EIF4ENIF1: variants seen among roughly 807,000 people sequenced by gnomAD.
The protein encoded by EIF4ENIF1 is eukaryotic translation initiation factor 4E transporter.
EIF4ENIF1 carries 23 observed loss-of-function variants against 110.5 expected under a neutral mutation model. That is an observed-to-expected ratio of 0.21 (90% CI 0.15 to 0.29). The LOEUF is 0.29. Among genes scored for constraint, EIF4ENIF1 ranks in the 10% least tolerant of loss-of-function variants. EIF4ENIF1 has a pLI of 1.00. For missense variants in EIF4ENIF1, 1,031 were observed against 1,221.1 expected (o/e 0.84, Z 2.32); for synonymous variants, 440 against 437.0 (o/e 1.01, Z -0.09).
In EIF4ENIF1 at chr22:31,463,634, G is replaced by A. The variant is rs573915886; in HGVS notation, c.585+47C>T. On this transcript the variant is annotated intron_variant, in intron 5 of 18. Coordinates refer to ENST00000330125, the MANE Select transcript of EIF4ENIF1 (RefSeq NM_019843.4). ...GCACTCCAGCCTGGGCAACAAGAGC[G>A]AAACTCCGTCTCAATTTAAAAAAAA... 103 of 1,460,032 alleles carry A rather than the reference G, an allele frequency of 7.1e-5. 1 individual carries two copies. The South Asian group carries it at 1.0e-3, about 15-fold the overall frequency. 90.4% of individuals were successfully genotyped at this position (1,460,032 alleles called of 1,614,324 possible).
chr22:31,447,304 A>T, intron 14 of EIF4ENIF1, 122 bp downstream of exon 14: 1 of 1,213,890 alleles, frequency 8.2e-7, no homozygotes, highest in Non-Finnish European at 1.1e-6. Context: ...TTGGGATGGA[A>T]TTTCTACCAC....
chr22:31,466,140 C>T (rs1470451031), intron 4 of EIF4ENIF1, among the ~76,000 whole-genome samples: 8 of 151,982 alleles, frequency 5.3e-5, no homozygotes, highest in Non-Finnish European at 7.4e-5. Context: ...GGGCCAGGCA[C>T]GGTGACTCAT....
downstream of EIF4ENIF1, among the ~76,000 whole-genome samples, chr22:31,438,904 T>G (rs190024155): frequency 1.7e-4 from 26 of 152,240 alleles, no homozygotes; most frequent in East Asian, 4.6e-3. Flanking sequence ...GTATTTTTAG[T>G]AGAGATGGGA....
chr22:31,466,369 C>A (rs941048407), intron 4 of EIF4ENIF1, among the ~76,000 whole-genome samples: 6 of 150,804 alleles, frequency 4.0e-5, no homozygotes, highest in Non-Finnish European at 8.8e-5. Flanking sequence ...GCCGAGATCG[C>A]GCCACTGCAC....
At chr22:31,450,588 T>C in intron 10 of EIF4ENIF1, 1 of 400,468 alleles carries the variant, frequency 2.5e-6, no homozygotes. Context: ...TCAGAGATCC[T>C]CACTATGCTA....
rs529349890 is a variant in EIF4ENIF1, at chr22:31,462,480, G to A, written c.787+452C>T. On this transcript the variant is annotated intron_variant, in intron 6 of 18. Transcript: ENST00000330125. The stretch of plus-strand genomic sequence containing the variant: ...AGCCCGGGCAACTGAGCGAGACTCC[G>A]TCTCAAAAAAAAAAAAAGATTTCAA... Among the ~76,000 whole-genome samples the A allele has an allele frequency of 1.9e-4, 24 of 123,158 alleles. 1 individual carries two copies. Among genetic ancestry groups the A allele is most frequent in the Admixed American group, 1.7e-3 (20 of 11,870 alleles). The allele number at this position is 123,158 out of a possible 152,430, so 80.8% of individuals were successfully genotyped here.
chr22:31,444,481 A>T, intron 15 of EIF4ENIF1, 125 bp downstream of exon 15: 1 of 883,524 alleles, frequency 1.1e-6, no homozygotes, highest in South Asian at 1.4e-5. Context: ...GTTATGAAAA[A>T]CTACTAGGTC....
At chr22:31,451,553 C>T (rs2050676147) in intron 10 of EIF4ENIF1, among the ~76,000 whole-genome samples, 1 of 152,110 alleles carries the variant, frequency 6.6e-6, no homozygotes, top group South Asian at 2.1e-4. Flanking sequence ...GGATTACAGG[C>T]ATGAGCCACC....
At chr22:31,455,051 CAG>C in intron 9 of EIF4ENIF1, 83 bp downstream of exon 9, 10 of 1,192,160 alleles carry the variant, frequency 8.4e-6, no homozygotes, top group Non-Finnish European at 9.1e-6. Flanking sequence ...TTTTATGAAA[CAG>C]AGGTTATGTT....
intron 3 of EIF4ENIF1, among the ~76,000 whole-genome samples, chr22:31,471,098 T>A (rs1388023901): frequency 3.9e-5 from 6 of 151,986 alleles, no homozygotes; most frequent in African/African-American, 1.4e-4. Flanking sequence ...TTCAGACCAT[T>A]TTTAGCTATA....
intron 7 of EIF4ENIF1, among the ~76,000 whole-genome samples, chr22:31,456,410 A>G (rs1259027992): frequency 6.6e-6 from 1 of 151,674 alleles, no homozygotes; most frequent in Non-Finnish European, 1.5e-5. Flanking sequence ...TTTTTAGTAG[A>G]GACGGGGTTT....
chr22:31,444,063 C>T (rs904414047), intron 15 of EIF4ENIF1, among the ~76,000 whole-genome samples: 13 of 152,228 alleles, frequency 8.5e-5, no homozygotes, highest in African/African-American at 3.1e-4. Flanking sequence ...CTCTGAAAGT[C>T]CTGGGATTAC....
chr22:31,466,727 C>T lies in EIF4ENIF1; in HGVS notation c.298+1448G>A, dbSNP rs189758988. On this transcript the variant is annotated intron_variant, in intron 4 of 18. Coordinates refer to ENST00000330125, the MANE Select transcript of EIF4ENIF1 (RefSeq NM_019843.4). ...AAAATGCTTATGTTGATTTTGGTAA[C>T]GGTTTCACAGGTATATACACATGTC... is the stretch of plus-strand genomic sequence containing the variant. Among the ~76,000 whole-genome samples the T allele has an allele frequency of 7.4e-4, 112 of 151,970 alleles. 1 individual carries two copies. The highest frequency in any genetic ancestry group is 1.3e-3 in the Non-Finnish European group (90 of 67,968).
intron 2 of EIF4ENIF1, among the ~76,000 whole-genome samples, chr22:31,483,323 C>T (rs1251714705): frequency 6.6e-6 from 1 of 151,064 alleles, no homozygotes; most frequent in Admixed American, 6.6e-5. Flanking sequence ...CCTCAGTCCC[C>T]TGTGTAGCTG....
chr22:31,481,167 T>A (rs1332103804), intron 2 of EIF4ENIF1, among the ~76,000 whole-genome samples: 1 of 150,826 alleles, frequency 6.6e-6, no homozygotes, highest in Non-Finnish European at 1.5e-5. Context: ...GATTGAATAA[T>A]TTTTTTTTCC....
chr22:31,448,289 C>A (rs373707238), intron 12 of EIF4ENIF1, 57 bp from the exon 13 acceptor site: 220 of 1,548,746 alleles, frequency 1.4e-4, no homozygotes, highest in Non-Finnish European at 1.9e-4. Context: ...ATCAGGGAGG[C>A]ATTTTCATTA....
intron 7 of EIF4ENIF1, among the ~76,000 whole-genome samples, chr22:31,457,686 A>G (rs1205816990): frequency 6.6e-6 from 1 of 152,192 alleles, no homozygotes; most frequent in Non-Finnish European, 1.5e-5. Context: ...AAGCCACAAT[A>G]TACTTCTTTT....
At chr22:31,467,487 T>C (rs2051229037) in intron 4 of EIF4ENIF1, among the ~76,000 whole-genome samples, 1 of 152,158 alleles carries the variant, frequency 6.6e-6, no homozygotes, top group Admixed American at 6.6e-5. Context: ...TCTCAAACCG[T>C]ATCCAAGCCT....
At position 31,448,227 on chromosome 22, in the gene EIF4ENIF1, T is replaced by A. The variant is rs969956262; in HGVS notation, c.1774A>T (p.Thr592Ser). 1.4e-5 allele frequency: 23 copies of A among 1,614,040 alleles called. No individual in the cohort carries two copies. Among genetic ancestry groups the A allele is most frequent in the Non-Finnish European group, 1.4e-5 (16 of 1,180,016 alleles). The stretch of plus-strand genomic sequence containing the variant: ...CCGAGTAGCTGCTGTGGTCCTGGTG[T>A]GAAACCTGTCGGGAAAGTTAGTCTC... ...RPRIPSPIGFTPGPQQLLGDP... is the reference protein window; with the variant it reads ...RPRIPSPIGFSPGPQQLLGDP... Residue 592 changes from threonine (T) to serine (S), a missense_variant, in exon 13 of 19, where the codon ACA (threonine) becomes TCA (serine). By Grantham distance (58) the Thr-to-Ser change is moderately conservative. Around this residue, in one of 3 missense-constraint regions of EIF4ENIF1, gnomAD observed 704 missense variants for 879.7 expected, o/e 0.80. Transcript: ENST00000330125.
Sources: gnomAD v4.1 joint callset for allele counts (sites outside exome capture counted in the v4.1 genomes callset) on GRCh38, gnomAD v4.1.1 for gene constraint, gnomAD v4.1.1 regional missense constraint, MANE v1.5 for transcripts, NCBI Gene and HGNC (gene_info 2026-07-23, HGNC 2026-07-21) for gene names.